The following LRRN3 variants were observed in gnomAD, a reference collection of about 807,000 sequenced individuals.
The protein encoded by LRRN3 is leucine-rich repeat neuronal protein 3.
LRRN3 carries 15 observed loss-of-function variants against 40.1 expected under a neutral mutation model. The observed-to-expected ratio is 0.37, with a 90% CI of 0.25 to 0.58. LRRN3 has a LOEUF of 0.58. Ranked by LOEUF, LRRN3 falls within the 20% of genes least tolerant of loss-of-function variation. The pLI, the probability that LRRN3 is intolerant of heterozygous loss-of-function variation, is 0.72. For synonymous variants in LRRN3, 308 were observed against 297.2 expected (o/e 1.04, Z -0.37); for missense variants, 746 against 837.7 (o/e 0.89, Z 1.35).
At chr7:111,111,564 C>T (rs1799206621) in intron 2 of LRRN3, among the ~76,000 whole-genome samples, 1 of 151,916 alleles carries the variant, frequency 6.6e-6, no homozygotes, top group Admixed American at 6.6e-5. Flanking sequence ...ATAGACTAGT[C>T]CTTAAATGGT....
chr7:111,113,345 T>A (rs4730477), intron 2 of LRRN3, among the ~76,000 whole-genome samples: 105,443 of 152,038 alleles, frequency 0.69, 40,155 homozygotes, highest in East Asian at 0.9. Flanking sequence ...CCTCCTGAGA[T>A]TGATAAAAGC....
rs200293448 is a variant in LRRN3, at chr7:111,112,904, G to GA, written c.-358-9505dup. 6.9e-3 allele frequency among the ~76,000 whole-genome samples: 1,052 copies of GA among 152,172 alleles called. 3 individuals are homozygous for GA. Among genetic ancestry groups the GA allele is most frequent in the Non-Finnish European group, 0.012 (784 of 67,974 alleles). ...ATTTAGTCTCTTGTTTATTGCATTTGAAAAAATTCTTTCAAACTGAAGGAG... is the reference window on the plus strand; with the variant it reads ...ATTTAGTCTCTTGTTTATTGCATTTGAAAAAAATTCTTTCAAACTGAAGGAG... On this transcript the variant is annotated intron_variant, in intron 2 of 2. Coordinates refer to ENST00000308478, the MANE Select transcript of LRRN3 (RefSeq NM_001099658.2).
intron 2 of LRRN3, among the ~76,000 whole-genome samples, chr7:111,104,341 G>A (rs1798305484): frequency 6.6e-6 from 1 of 151,654 alleles, no homozygotes; most frequent in Admixed American, 6.6e-5. Context: ...CAAATTTATT[G>A]TAGAGAATGA....
intron 1 of LRRN3, among the ~76,000 whole-genome samples, chr7:111,092,341 G>A (rs1796959374): frequency 6.6e-6 from 1 of 152,150 alleles, no homozygotes; most frequent in Admixed American, 6.5e-5. Flanking sequence ...AAAATTGTTT[G>A]TTCTAACCAA....
chr7:111,096,244 G>A (rs1797384487), intron 1 of LRRN3, among the ~76,000 whole-genome samples: 1 of 151,780 alleles, frequency 6.6e-6, no homozygotes, highest in Admixed American at 6.6e-5. Context: ...GTTCTGTGAG[G>A]TTAGAGACTT....
At chr7:111,111,942 GTTTTTTTTT>G (rs748410980) in intron 2 of LRRN3, among the ~76,000 whole-genome samples, 2 of 84,110 alleles carry the variant, frequency 2.4e-5, no homozygotes, top group Non-Finnish European at 4.4e-5. Flanking sequence ...TATATAGTTT[GTTTTTTTTT>G]TTTTTTTTTT....
chr7:111,124,563 C>A lies in LRRN3; in HGVS notation c.1791C>A (p.Thr597=). 2 of 1,613,492 alleles carry A rather than the reference C, an allele frequency of 1.2e-6. No individual in the cohort carries two copies. Among genetic ancestry groups the A allele is most frequent in the South Asian group, 2.2e-5 (2 of 91,060 alleles). The change falls in exon 3 of 3, where the codon ACC becomes ACA. Residue 597 remains threonine, a synonymous_variant. Transcript: ENST00000308478. ...ATAAAATTTGTATTGATATTCCCACCATCTATCAGAAAAACAGAAAAAAAT... is the reference window on the plus strand; with the variant it reads ...ATAAAATTTGTATTGATATTCCCACAATCTATCAGAAAAACAGAAAAAAAT... ...TEYKICIDIP[T]IYQKNRKKCV... is the part of the protein sequence containing the mutation.
Position 111,123,495 on chromosome 7 carries a change from C to T in LRRN3, c.723C>T (p.Ile241=). The change falls in exon 3 of 3, where the codon ATC becomes ATT. Residue 241 remains isoleucine, a synonymous_variant. Coordinates refer to ENST00000308478, the MANE Select transcript of LRRN3 (RefSeq NM_001099658.2). This position sits in a 1 kb window ranked among gnomAD's most constrained non-coding sequence, Gnocchi z 6.4. ...TTGGACTGGAAAACTTAGAAAGCATCTCTTTTTACGATAACAGGCTTATTA... is the reference window on the plus strand; with the variant it reads ...TTGGACTGGAAAACTTAGAAAGCATTTCTTTTTACGATAACAGGCTTATTA... ...ALVGLENLES[I]SFYDNRLIKV... 5 of 1,613,828 alleles carry T rather than the reference C, an allele frequency of 3.1e-6. No homozygotes were observed. The highest frequency in any genetic ancestry group is 4.2e-6 in the Non-Finnish European group (5 of 1,179,920).
chr7:111,123,622 C>T lies in LRRN3; in HGVS notation c.850C>T (p.Leu284=), dbSNP rs1172514862. The part of the protein sequence containing the change: ...RIRRGDFSNM[L]HLKELGINNM... ...ACGAAGGGGTGATTTTAGCAATATG[C>T]TACACTTAAAAGAGTTGGGGATAAA... Residue 284 remains leucine, a synonymous_variant, in exon 3 of 3, where the codon CTA becomes TTA. Coordinates refer to ENST00000308478, the MANE Select transcript of LRRN3 (RefSeq NM_001099658.2). This position sits in a 1 kb window ranked among gnomAD's most constrained non-coding sequence, Gnocchi z 6.4. 1 of 1,613,594 alleles carries T rather than the reference C, an allele frequency of 6.2e-7. No individual in the cohort carries two copies. Among genetic ancestry groups the T allele is most frequent in the Non-Finnish European group, 8.5e-7 (1 of 1,179,710 alleles).
At chr7:111,104,616 A>G (rs1250288896) in intron 2 of LRRN3, among the ~76,000 whole-genome samples, 1 of 151,758 alleles carries the variant, frequency 6.6e-6, no homozygotes, top group African/African-American at 2.4e-5. Flanking sequence ...TAATCCCCCT[A>G]TCTAGTCTTT....
chr7:111,120,682 T>C (rs1203463721), intron 2 of LRRN3, among the ~76,000 whole-genome samples: 1 of 152,172 alleles, frequency 6.6e-6, no homozygotes, highest in African/African-American at 2.4e-5. Context: ...CACAGGTACA[T>C]CTACAGCAAG....
intron 2 of LRRN3, among the ~76,000 whole-genome samples, chr7:111,114,982 G>C (rs190254481): frequency 1.3e-5 from 2 of 152,148 alleles, no homozygotes; most frequent in East Asian, 1.9e-4. Context: ...GAGATCTCTA[G>C]TTTAATTATA....
chr7:111,104,592 A>T (rs906721100), intron 2 of LRRN3, among the ~76,000 whole-genome samples: 8 of 151,708 alleles, frequency 5.3e-5, no homozygotes, highest in Non-Finnish European at 7.4e-5. Context: ...TAAATAACAG[A>T]AAAGTCTCAT....
rs1227635590 is a variant in LRRN3 at position 111,122,892 on chromosome 7, G to A, written c.120G>A (p.Trp40Ter). ...PRLCTCEIRP[W>*]FTPRSIYMEA... ...TATGTACGTGTGAAATCAGGCCTTG[G>A]TTTACACCCAGATCCATTTATATGG... is the stretch of plus-strand genomic sequence containing the variant. Residue 40 changes from tryptophan to a stop codon, truncating the protein, a stop_gained, in exon 3 of 3, where the codon TGG becomes TGA. Transcript: ENST00000308478. LOFTEE classifies it high-confidence loss of function. 6.2e-7 allele frequency: 1 copy of A among 1,614,006 alleles called. No homozygotes were observed.
chr7:111,094,156 T>G (rs530031332), intron 1 of LRRN3, among the ~76,000 whole-genome samples: 2 of 152,294 alleles, frequency 1.3e-5, no homozygotes, highest in African/African-American at 4.8e-5. Context: ...TGAATTTTTT[T>G]GGGGTGTAAC....
chr7:111,108,666 T>C (rs1211845078), intron 2 of LRRN3, among the ~76,000 whole-genome samples: 1 of 152,186 alleles, frequency 6.6e-6, no homozygotes. Context: ...GTGGGTATTG[T>C]TACACTTTTG....
At position 111,124,456 on chromosome 7, in the gene LRRN3, A is replaced by G; in HGVS notation, c.1684A>G (p.Asn562Asp). The change falls in exon 3 of 3, where the codon AAT becomes GAT. Residue 562 changes from asparagine to aspartate, a missense_variant. Asn to Asp is a conservative substitution (Grantham distance 23, BLOSUM62 1). Coordinates refer to ENST00000308478, the MANE Select transcript of LRRN3 (RefSeq NM_001099658.2). ...VKWTAFVKTE[N>D]SHAAQSARIP... ...ATGGACAGCCTTTGTCAAGACTGAA[A>G]ATTCTCATGCTGCGCAAAGTGCTCG... 1 of 1,613,922 alleles carries G rather than the reference A, an allele frequency of 6.2e-7. No homozygotes were observed. Among genetic ancestry groups the G allele is most frequent in the East Asian group, 2.2e-5 (1 of 44,822 alleles).
chr7:111,117,456 C>G (rs1446271482), intron 2 of LRRN3, among the ~76,000 whole-genome samples: 1 of 152,050 alleles, frequency 6.6e-6, no homozygotes, highest in East Asian at 1.9e-4. Flanking sequence ...TTCGGTGTAT[C>G]AATTTCTCAT....
chr7:111,099,110 C>G (rs1797699372), intron 1 of LRRN3, among the ~76,000 whole-genome samples: 1 of 151,666 alleles, frequency 6.6e-6, no homozygotes, highest in South Asian at 2.1e-4. Flanking sequence ...CAGCTTATAA[C>G]TTCCTCTATC....
Sources: allele counts gnomAD v4.1 joint callset (sites outside exome capture counted in the v4.1 genomes callset), GRCh38; gene constraint gnomAD v4.1.1; non-coding constraint Gnocchi (gnomAD v3.1); transcripts MANE v1.5; gene names NCBI Gene and HGNC (gene_info 2026-07-23, HGNC 2026-07-21).